SPTLC1: variants seen among roughly 807,000 people sequenced by gnomAD.
SPTLC1 encodes serine palmitoyltransferase long chain base subunit 1, also known as serine palmitoyltransferase 1.
SPTLC1 carries 55 observed loss-of-function variants against 68.9 expected under a neutral mutation model. The ratio of observed to expected loss-of-function variants is 0.80; its 90% confidence interval spans 0.64 to 1.00. SPTLC1 has a LOEUF of 1.00. SPTLC1 is among the 50% of genes least tolerant of loss of function. SPTLC1 has a pLI of 0.00. For synonymous variants in SPTLC1, 197 were observed against 201.6 expected (o/e 0.98, Z 0.19); for missense variants, 449 against 573.1 (o/e 0.78, Z 2.21).
At chr9:92,099,640 C>T (rs111480684) in intron 3 of SPTLC1, among the ~76,000 whole-genome samples, 5,371 of 152,018 alleles carry the variant, frequency 0.035, 159 homozygotes, top group South Asian at 0.11. Context: ...TTACCACACC[C>T]ACCTAATTTT....
intron 5 of SPTLC1, among the ~76,000 whole-genome samples, chr9:92,076,362 G>A (rs1267127068): frequency 6.6e-6 from 1 of 152,080 alleles, no homozygotes; most frequent in Non-Finnish European, 1.5e-5. Context: ...CAATAAAACA[G>A]CCAAAGAAAC....
chr9:92,080,722 T>A (rs1034841476), intron 4 of SPTLC1, 148 bp downstream of exon 4: 12 of 688,584 alleles, frequency 1.7e-5, no homozygotes, highest in Non-Finnish European at 2.6e-5. Flanking sequence ...TATTTTTTGG[T>A]AGAGATGGGG....
At chr9:92,036,381 C>T (rs989135019) in intron 13 of SPTLC1, among the ~76,000 whole-genome samples, 1 of 152,226 alleles carries the variant, frequency 6.6e-6, no homozygotes, top group Admixed American at 6.5e-5. Flanking sequence ...TCCTCCTCTG[C>T]GTCTCTTTGG....
rs140707248 is a variant in SPTLC1, at chr9:92,094,751, C to A, written c.261-13788G>T. On this transcript the variant is annotated intron_variant, in intron 3 of 14. Transcript: ENST00000262554. Reference sequence around the variant, plus strand: ...GCAACAGGAAGTCTGACAAAGAGATCTTCAAAGCCTTTTGTCATCCTCTGC... The same window carrying A: ...GCAACAGGAAGTCTGACAAAGAGATATTCAAAGCCTTTTGTCATCCTCTGC... 4.6e-5 allele frequency among the ~76,000 whole-genome samples: 7 copies of A among 152,334 alleles called. No homozygotes were observed. In the East Asian group the frequency reaches 1.4e-3, roughly 29 times the overall value.
At chr9:92,035,580 T>C (rs1199810403) in intron 13 of SPTLC1, among the ~76,000 whole-genome samples, 5 of 152,202 alleles carry the variant, frequency 3.3e-5, no homozygotes, top group Non-Finnish European at 7.3e-5. Flanking sequence ...GAGATAGTAA[T>C]GGTTGCACAA....
At chr9:92,078,281 C>T (rs1834754942) in intron 5 of SPTLC1, among the ~76,000 whole-genome samples, 1 of 152,178 alleles carries the variant, frequency 6.6e-6, no homozygotes, top group South Asian at 2.1e-4. Flanking sequence ...CAATCAACAA[C>T]CCCATAAAAT....
chr9:92,043,587 TTC>T (rs1472807006), intron 12 of SPTLC1, among the ~76,000 whole-genome samples: 4 of 152,162 alleles, frequency 2.6e-5, no homozygotes, highest in Admixed American at 1.3e-4. Flanking sequence ...ACCTGGAGTC[TTC>T]TCTTTCTCAC....
At chr9:92,065,614 T>G (rs886273112) in intron 6 of SPTLC1, among the ~76,000 whole-genome samples, 8 of 152,148 alleles carry the variant, frequency 5.3e-5, no homozygotes, top group Non-Finnish European at 1.0e-4. Context: ...GAATTTATAG[T>G]GGGGTGCTTG....
At chr9:92,110,877 A>G (rs1469476326) in intron 2 of SPTLC1, 1 of 152,248 alleles carries the variant, frequency 6.6e-6, no homozygotes, top group Non-Finnish European at 1.5e-5. Flanking sequence ...GCCAAAAATT[A>G]TTATTCCAAC....
intron 8 of SPTLC1, chr9:92,053,800 T>A (rs1833791150): frequency 8.5e-6 from 2 of 234,140 alleles, no homozygotes; most frequent in Non-Finnish European, 1.4e-5. Flanking sequence ...GGGTTTGAGG[T>A]CTTCTTCGTG....
rs45461899 is a variant in SPTLC1 at position 92,068,074 on chromosome 9, C to A, written c.452G>T (p.Arg151Leu). The change falls in exon 6 of 15, where the codon CGC becomes CTC. Residue 151 changes from arginine (R) to leucine (L), a missense_variant. Arg to Leu is a moderately radical substitution (Grantham distance 102, BLOSUM62 -2). This residue lies in a region of SPTLC1 where 391 missense variants were observed against 472.1 expected (regional missense o/e 0.83). Coordinates refer to ENST00000262554, the MANE Select transcript of SPTLC1 (RefSeq NM_006415.4). Reference sequence around the variant, plus strand: ...TTCTGTCTTCATAAATTTTGCCAGGCGGTCTTCCAAATCCAAATGAACATC... The same window carrying A: ...TTCTGTCTTCATAAATTTTGCCAGGAGGTCTTCCAAATCCAAATGAACATC... ...TFDVHLDLED[R>L]LAKFMKTEEA... The A allele has an allele frequency of 0.022, 36,028 of 1,613,754 alleles. 468 individuals carry two copies. The highest frequency in any genetic ancestry group is 0.028 in the Middle Eastern group (171 of 6,062).
chr9:92,105,495 G>C (rs1835927292), intron 3 of SPTLC1: 19 of 739,776 alleles, frequency 2.6e-5, no homozygotes, highest in Non-Finnish European at 4.1e-5. Flanking sequence ...AGGAGGTCAA[G>C]AGATTGAGAC....
intron 12 of SPTLC1, among the ~76,000 whole-genome samples, chr9:92,039,336 C>A (rs977785217): frequency 3.3e-5 from 5 of 152,162 alleles, no homozygotes; most frequent in African/African-American, 9.6e-5. Context: ...TCTTTAGGGG[C>A]CAAATCCTGT....
At chr9:92,078,969 A>G in intron 5 of SPTLC1, 4 of 835,274 alleles carry the variant, frequency 4.8e-6, no homozygotes, top group Non-Finnish European at 5.8e-6. Flanking sequence ...CCAGAAATGG[A>G]AACAAGGATG....
chr9:92,087,293 C>T (rs1046712886), intron 3 of SPTLC1, among the ~76,000 whole-genome samples: 2 of 152,224 alleles, frequency 1.3e-5, no homozygotes, highest in East Asian at 1.9e-4. Flanking sequence ...TGAGGAACTG[C>T]GTTCCTTTGG....
At chr9:92,071,954 A>G (rs1449622852) in intron 5 of SPTLC1, among the ~76,000 whole-genome samples, 1 of 152,178 alleles carries the variant, frequency 6.6e-6, no homozygotes, top group Non-Finnish European at 1.5e-5. Context: ...TGCAAAATCC[A>G]GCCCCTAACT....
chr9:92,114,636 G>A (rs1434225349), intron 1 of SPTLC1, among the ~76,000 whole-genome samples: 3 of 151,958 alleles, frequency 2.0e-5, no homozygotes, highest in Non-Finnish European at 2.9e-5. Context: ...CTGGGAAGCT[G>A]AGGCAGGAGA....
At chr9:92,032,680 T>C (rs1239460366) in intron 14 of SPTLC1, 122 bp from the exon 15 acceptor site, 1 of 1,305,236 alleles carries the variant, frequency 7.7e-7, no homozygotes, top group Non-Finnish European at 1.1e-6. Context: ...ATCGAGACCA[T>C]CCTGGCTAAC....
intron 11 of SPTLC1, chr9:92,046,290 C>T: frequency 1.8e-6 from 1 of 558,544 alleles, no homozygotes. Context: ...ATGATGCTTT[C>T]AAGAACAATC....
Sources: allele counts gnomAD v4.1 joint callset (sites outside exome capture counted in the v4.1 genomes callset), GRCh38; gene constraint gnomAD v4.1.1; regional missense constraint gnomAD v4.1.1; transcripts MANE v1.5; gene names NCBI Gene and HGNC (gene_info 2026-07-23, HGNC 2026-07-21).